Variants in TG observed in about 807,000 individuals in gnomAD.
TG encodes the protein thyroid hormones.
A neutral mutation model predicts 324.7 loss-of-function variants in TG; 270 were observed. The observed-to-expected ratio is 0.83, with a 90% CI of 0.75 to 0.92. The LOEUF (loss-of-function observed/expected upper bound fraction) is 0.92, where lower values mean the gene tolerates loss of function less well. Ranked by LOEUF, TG falls within the 40% of genes least tolerant of loss-of-function variation. The pLI is 0.00. For synonymous variants in TG, 1,401 were observed against 1,327.0 expected, an observed-to-expected ratio of 1.06 and a Z score of -1.21; for missense variants, 3,591 against 3,456.4, an observed-to-expected ratio of 1.04 and a Z score of -0.98.
At chr8:132,948,044 T>A (rs1431371275) in intron 26 of TG, among the ~76,000 whole-genome samples, 1 of 152,204 alleles carries the variant, frequency 6.6e-6, no homozygotes, top group Non-Finnish European at 1.5e-5. Context: ...AGTTACAGAT[T>A]TCTCTCCACA....
At chr8:132,869,575 G>C (rs1157336908) in intron 2 of TG, among the ~76,000 whole-genome samples, 154 bp from the exon 3 acceptor site, 1 of 152,088 alleles carries the variant, frequency 6.6e-6, no homozygotes, top group Non-Finnish European at 1.5e-5. Context: ...TCCTTTCCCA[G>C]GTCAGCCACC....
intron 26 of TG, among the ~76,000 whole-genome samples, chr8:132,942,721 C>T (rs924443648): frequency 1.3e-5 from 2 of 151,972 alleles, no homozygotes; most frequent in East Asian, 3.9e-4. Flanking sequence ...AGGCAGTGTG[C>T]GATGCAAATG....
chr8:133,101,233 G>A (rs898070025), intron 43 of TG, among the ~76,000 whole-genome samples: 3 of 152,184 alleles, frequency 2.0e-5, no homozygotes, highest in Non-Finnish European at 4.4e-5. Context: ...CTGCAAGAGG[G>A]CACAGTGGAC....
At chr8:132,933,788 G>A in intron 24 of TG, 112 bp downstream of exon 24, 1 of 938,666 alleles carries the variant, frequency 1.1e-6, no homozygotes, top group South Asian at 1.3e-5. Flanking sequence ...GTCGAGAGCT[G>A]ATCCTCTGTT....
rs543779470 is a variant in TG at position 133,116,526 on chromosome 8, C to T, written c.7755-83C>T. The T allele has an allele frequency of 1.9e-5, 26 of 1,362,098 alleles. No homozygotes were observed. The East Asian group carries it at 5.7e-4, about 30-fold the overall frequency. The allele number at this position is 1,362,098 out of a possible 1,614,324, so 84.4% of individuals were successfully genotyped here. ...GGTGGGTTGGGGGCCCAGGGGGCCC[C>T]TTGCTGGGAGAAGCCCTTTCCAGGC... On this transcript the variant is annotated intron_variant, in intron 44 of 47. Coordinates refer to ENST00000220616, the MANE Select transcript of TG (RefSeq NM_003235.5).
At chr8:133,009,640 T>TGG (rs1834326460) in intron 35 of TG, among the ~76,000 whole-genome samples, 1 of 151,970 alleles carries the variant, frequency 6.6e-6, no homozygotes. Flanking sequence ...TATTAAAAGG[T>TGG]GGGGCCTTTG....
chr8:133,110,756 G>T (rs1340837574), intron 43 of TG, among the ~76,000 whole-genome samples: 1 of 152,196 alleles, frequency 6.6e-6, no homozygotes, highest in East Asian at 1.9e-4. Context: ...GGATTAGAGA[G>T]GCTAAGTGAC....
chr8:132,965,511 T>C (rs1353588319), intron 29 of TG, among the ~76,000 whole-genome samples: 3 of 152,158 alleles, frequency 2.0e-5, no homozygotes, highest in African/African-American at 7.2e-5. Flanking sequence ...TGAATGGACA[T>C]TGCAAACATT....
intron 28 of TG, 54 bp downstream of exon 28, chr8:132,961,127 T>C: frequency 6.4e-7 from 1 of 1,561,186 alleles, no homozygotes; most frequent in South Asian, 1.1e-5. Context: ...CATGAGATTG[T>C]CTGGCACCAC....
intron 41 of TG, among the ~76,000 whole-genome samples, chr8:133,033,249 A>T (rs2131007624): frequency 6.6e-6 from 1 of 152,358 alleles, no homozygotes; most frequent in Non-Finnish European, 1.5e-5. Context: ...CTTGCACAAC[A>T]TAGGAACTCA....
At chr8:132,962,470 T>C (rs1424512097) in intron 28 of TG, among the ~76,000 whole-genome samples, 1 of 152,106 alleles carries the variant, frequency 6.6e-6, no homozygotes, top group Non-Finnish European at 1.5e-5. Context: ...GACTTACATT[T>C]CTCCAGGACA....
chr8:132,994,400 C>T (rs1054244347), intron 35 of TG, among the ~76,000 whole-genome samples: 3 of 152,116 alleles, frequency 2.0e-5, no homozygotes, highest in South Asian at 2.1e-4. Flanking sequence ...TTGCCAAACA[C>T]GCGGGGGAAA....
In TG at chr8:132,906,916, G is replaced by T; in HGVS notation, c.3847+16G>T. On this transcript the variant is annotated intron_variant, in intron 17 of 47. Coordinates refer to ENST00000220616, the MANE Select transcript of TG (RefSeq NM_003235.5). ...GCCTGCCAACGTGAGTGGCATCAGA[G>T]CATCTATCCTGCACCCCGCTCCCTC... The T allele has an allele frequency of 1.2e-6, 2 of 1,603,464 alleles. No homozygotes were observed. Among genetic ancestry groups the T allele is most frequent in the Non-Finnish European group, 1.7e-6 (2 of 1,175,104 alleles).
At chr8:132,941,316 A>G in intron 25 of TG, 35 bp from the exon 26 acceptor site, 1 of 1,613,028 alleles carries the variant, frequency 6.2e-7, no homozygotes, top group Non-Finnish European at 8.5e-7. Context: ...CCATGTTTTG[A>G]GGTCTTTTAA....
intron 35 of TG, chr8:133,001,964 G>A (rs1833554659): frequency 6.1e-6 from 6 of 985,328 alleles, no homozygotes; most frequent in South Asian, 4.7e-5. Context: ...TTTTGATTGC[G>A]GGAAGAAGGG....
chr8:132,953,466 G>A (rs1826400367), intron 27 of TG, among the ~76,000 whole-genome samples: 2 of 152,196 alleles, frequency 1.3e-5, no homozygotes, highest in African/African-American at 2.4e-5. Flanking sequence ...CCACCTTAGT[G>A]GACTGACAGG....
intron 38 of TG, among the ~76,000 whole-genome samples, chr8:133,018,443 C>G (rs1835259929): frequency 6.6e-6 from 1 of 152,050 alleles, no homozygotes; most frequent in South Asian, 2.1e-4. Flanking sequence ...CTGGCCATAT[C>G]TGATCTTAAT....
chr8:132,929,182 G>C lies in TG; in HGVS notation c.4806G>C (p.Gln1602His), dbSNP rs765373393. Residue 1602 changes from glutamine (Q) to histidine (H), a missense_variant, in exon 23 of 48, where the codon CAG becomes CAC. Coordinates refer to ENST00000220616, the MANE Select transcript of TG (RefSeq NM_003235.5). The stretch of plus-strand genomic sequence containing the variant: ...CTGATTCTGAGTTCCCCGTGATGCA[G>C]TGCTTGACAGGTGAGGAGTGGTGGG... ...KVPDSEFPVM[Q>H]CLTDCTEDEA... The C allele has an allele frequency of 1.2e-6, 2 of 1,613,814 alleles. No homozygotes were observed. The highest frequency in any genetic ancestry group is 8.5e-7 in the Non-Finnish European group (1 of 1,179,692).
Position 132,971,882 on chromosome 8 carries a change from G to C in TG, c.6055+9G>C. On this transcript the variant is annotated intron_variant, in intron 33 of 47. Transcript: ENST00000220616. ...TGTTTCCCAGTTAAAAGGTAATAAT[G>C]GTAACAACTTCCTCTCCCCTGCGCA... is the stretch of plus-strand genomic sequence containing the variant. 6.3e-7 allele frequency: 1 copy of C among 1,590,518 alleles called. No homozygotes were observed. Among genetic ancestry groups the C allele is most frequent in the Non-Finnish European group, 8.6e-7 (1 of 1,158,554 alleles).
Sources: gnomAD v4.1 joint callset for allele counts (sites outside exome capture counted in the v4.1 genomes callset) on GRCh38, gnomAD v4.1.1 for gene constraint, MANE v1.5 for transcripts, NCBI Gene and HGNC (gene_info 2026-07-23, HGNC 2026-07-21) for gene names.